PTBP2: variants seen among roughly 807,000 people sequenced by gnomAD.
The protein encoded by PTBP2 is polypyrimidine tract-binding protein 2.
PTBP2 carries 13 observed loss-of-function variants against 61.4 expected under a neutral mutation model. That is an observed-to-expected ratio of 0.21 (90% confidence interval 0.14 to 0.34). The LOEUF is 0.34. PTBP2 is among the 10% of genes least tolerant of loss of function. The pLI is 1.00. For synonymous variants in PTBP2, 215 were observed against 218.5 expected (o/e 0.98, Z 0.14); for missense variants, 405 against 642.6 (o/e 0.63, Z 4.00).
At chr1:96,723,621 G>T in intron 2 of PTBP2, 27 bp downstream of exon 2, 2 of 1,546,094 alleles carry the variant, frequency 1.3e-6, no homozygotes, top group South Asian at 1.2e-5. Context: ...TTTGAAACTG[G>T]GATTGTTGGA....
intron 8 of PTBP2, among the ~76,000 whole-genome samples, chr1:96,802,689 T>C (rs1661141942): frequency 6.6e-6 from 1 of 152,178 alleles, no homozygotes; most frequent in African/African-American, 2.4e-5. Context: ...GCATGCCATA[T>C]TGAAGTTGGT....
At chr1:96,728,125 T>C (rs1650853553) in intron 2 of PTBP2, among the ~76,000 whole-genome samples, 1 of 152,158 alleles carries the variant, frequency 6.6e-6, no homozygotes, top group African/African-American at 2.4e-5. Context: ...TAGCTAGGAC[T>C]ATAGGCACAC....
rs1296159132 is a variant in PTBP2 at position 96,762,569 on chromosome 1, C to T, written c.116-7134C>T. Among the ~76,000 whole-genome samples, 741 of 143,532 alleles carry T rather than the reference C, an allele frequency of 5.2e-3. 4 individuals are homozygous for T. Among genetic ancestry groups the T allele is most frequent in the East Asian group, 8.2e-3 (38 of 4,640 alleles). The allele number at this position is 143,532 out of a possible 152,430, so 94.2% of individuals were successfully genotyped here. A position where few individuals can be genotyped will look rare whatever the true frequency, so the allele number is the denominator to read the frequency against. Reference sequence around the variant, plus strand: ...CTGACCCCCCGACCTCCTTCCCGGACGGGGCGGCTGGCCGGGCAGAGGGGC... The same window carrying T: ...CTGACCCCCCGACCTCCTTCCCGGATGGGGCGGCTGGCCGGGCAGAGGGGC... On this transcript the variant is annotated intron_variant, in intron 3 of 13. Coordinates refer to ENST00000674951, the MANE Select transcript of PTBP2 (RefSeq NM_021190.4).
At chr1:96,784,395 C>G (rs993338809) in intron 7 of PTBP2, among the ~76,000 whole-genome samples, 1 of 151,952 alleles carries the variant, frequency 6.6e-6, no homozygotes, top group Admixed American at 6.6e-5. Context: ...TTAAGATGAC[C>G]GAAAAGAGTC....
intron 8 of PTBP2, among the ~76,000 whole-genome samples, chr1:96,801,228 T>G (rs992125004): frequency 1.3e-5 from 2 of 152,130 alleles, no homozygotes; most frequent in Non-Finnish European, 2.9e-5. Context: ...GAGCTTAAAG[T>G]TTGGGAGTGT....
chr1:96,817,083 G>A (rs927890467), downstream of PTBP2: 2 of 152,098 alleles, frequency 1.3e-5, no homozygotes, highest in Admixed American at 1.3e-4. Context: ...TTTTCTGTTT[G>A]AACTTGATAG....
At chr1:96,754,777 G>T (rs759844235) in intron 3 of PTBP2, among the ~76,000 whole-genome samples, 11 of 152,030 alleles carry the variant, frequency 7.2e-5, no homozygotes, top group Non-Finnish European at 1.6e-4. Flanking sequence ...TCCAACAAAG[G>T]GTGCTACAGC....
rs193197679 is a variant in PTBP2, at chr1:96,798,044, C to G, written c.905-6756C>G. Among the ~76,000 whole-genome samples the G allele has an allele frequency of 4.1e-3, 618 of 150,418 alleles. 9 individuals carry two copies. Among genetic ancestry groups the G allele is most frequent in the African/African-American group, 0.014 (574 of 40,872 alleles). ...TGAGCCGAGATCGTGCCACTGCACT[C>G]CAGCCTGGGCGACAGAGCGAGACTC... On this transcript the variant is annotated intron_variant, in intron 8 of 13. Transcript: ENST00000674951.
chr1:96,800,919 A>C (rs1044083401), intron 8 of PTBP2, among the ~76,000 whole-genome samples: 1 of 152,202 alleles, frequency 6.6e-6, no homozygotes, highest in South Asian at 2.1e-4. Context: ...TCAAGAAAAA[A>C]AAAATGTATT....
intron 2 of PTBP2, among the ~76,000 whole-genome samples, chr1:96,738,509 G>C (rs1047404043): frequency 6.6e-6 from 1 of 152,136 alleles, no homozygotes; most frequent in African/African-American, 2.4e-5. Context: ...TCCTGACCTT[G>C]TGATCCGCCC....
rs1365843737 is a variant in PTBP2, at chr1:96,813,291, T to C, written c.1482T>C (p.Ala494=). Residue 494 remains alanine (A), a synonymous_variant, in exon 14 of 14, where the codon GCT becomes GCC. Transcript: ENST00000674951. ...GTTTCAGAAGAGATCACAAAATGGC[T>C]CTTCTTCAGATGGCAACAGTGGAAG... ...AFKFFQDHKM[A]LLQMATVEEA... 1 of 1,602,448 alleles carries C rather than the reference T, an allele frequency of 6.2e-7. No homozygotes were observed. The highest frequency in any genetic ancestry group is 8.5e-7 in the Non-Finnish European group (1 of 1,176,658).
chr1:96,779,650 T>C (rs1031654997), intron 7 of PTBP2, among the ~76,000 whole-genome samples: 1 of 152,116 alleles, frequency 6.6e-6, no homozygotes, highest in Non-Finnish European at 1.5e-5. Flanking sequence ...AAAGTTATAA[T>C]TCTAAGAGAG....
At chr1:96,761,372 G>A (rs888039239) in intron 3 of PTBP2, among the ~76,000 whole-genome samples, 1 of 151,614 alleles carries the variant, frequency 6.6e-6, no homozygotes, top group African/African-American at 2.4e-5. Flanking sequence ...GTGTGTGTGT[G>A]TGTGTGTGTG....
intron 3 of PTBP2, among the ~76,000 whole-genome samples, chr1:96,762,633 C>T (rs1656094238): frequency 1.4e-5 from 2 of 147,212 alleles, no homozygotes; most frequent in South Asian, 4.3e-4. Context: ...CAGAGGCGCC[C>T]CTCACCTCCC....
chr1:96,756,613 C>T (rs1557714622), intron 3 of PTBP2, among the ~76,000 whole-genome samples: 1 of 139,030 alleles, frequency 7.2e-6, no homozygotes, highest in Non-Finnish European at 1.5e-5. Flanking sequence ...TTAATCAGCA[C>T]TAAATGGAAA....
chr1:96,764,927 C>A (rs775763296), intron 3 of PTBP2, among the ~76,000 whole-genome samples: 1 of 152,168 alleles, frequency 6.6e-6, no homozygotes, highest in African/African-American at 2.4e-5. Flanking sequence ...CTTGGAAATA[C>A]AAGAGTTAAT....
At chr1:96,796,812 C>A (rs1402699222) in intron 8 of PTBP2, among the ~76,000 whole-genome samples, 3 of 151,616 alleles carry the variant, frequency 2.0e-5, no homozygotes, top group African/African-American at 7.3e-5. Context: ...GAAAGGGGGT[C>A]ACCATAAAGG....
intron 2 of PTBP2, among the ~76,000 whole-genome samples, chr1:96,736,979 TC>T (rs1407211295): frequency 1.2e-5 from 1 of 84,082 alleles, no homozygotes; most frequent in African/African-American, 2.8e-5. Context: ...GCCACCTTTT[TC>T]TTTCTTTCTT....
intron 3 of PTBP2, among the ~76,000 whole-genome samples, chr1:96,756,124 C>A (rs956652203): frequency 7.2e-5 from 11 of 152,180 alleles, no homozygotes; most frequent in African/African-American, 2.7e-4. Flanking sequence ...TACGGCCGGG[C>A]ACAGTGGCTT....
Sources: allele counts gnomAD v4.1 joint callset (sites outside exome capture counted in the v4.1 genomes callset), GRCh38; gene constraint gnomAD v4.1.1; transcripts MANE v1.5; gene names NCBI Gene and HGNC (gene_info 2026-07-23, HGNC 2026-07-21).